The following KIF21A variants were observed in gnomAD, a reference collection of about 807,000 sequenced individuals.
KIF21A encodes the protein kinesin family member 21A.
KIF21A carries 114 observed loss-of-function variants against 202.9 expected under a neutral mutation model. The observed-to-expected ratio is 0.56, with a 90% confidence interval of 0.48 to 0.66. KIF21A has a LOEUF of 0.66. Among genes scored for constraint, KIF21A ranks in the 30% least tolerant of loss-of-function variants. The pLI, the probability that KIF21A is intolerant of heterozygous loss-of-function variation, is 0.00. For missense variants in KIF21A, 1,677 were observed against 1,994.9 expected (o/e 0.84, Z 3.04); for synonymous variants, 667 against 670.8 (o/e 0.99, Z 0.09).
chr12:39,315,974 T>C lies in KIF21A; in HGVS notation c.3909-4A>G, dbSNP rs898302858. On this transcript the variant is annotated splice_polypyrimidine_tract_variant and splice_region_variant and intron_variant, in intron 29 of 37. Coordinates refer to ENST00000361418, the MANE Select transcript of KIF21A (RefSeq NM_001173464.2). ...AGAGGAGTCACTTTCATCAGACCTA[T>C]AGTGAAAGAGTTAGAATTATGAGAG... is the stretch of plus-strand genomic sequence containing the variant. The C allele has an allele frequency of 8.8e-6, 14 of 1,595,412 alleles. No homozygotes were observed. The Admixed American group carries it at 1.2e-4, about 13-fold the overall frequency.
At chr12:39,434,649 C>G (rs973417662) in intron 1 of KIF21A, among the ~76,000 whole-genome samples, 1 of 152,166 alleles carries the variant, frequency 6.6e-6, no homozygotes, top group African/African-American at 2.4e-5. Context: ...CCTTCAATTA[C>G]TTTAATGCCT....
At chr12:39,360,972 C>T (rs957409078) in intron 7 of KIF21A, among the ~76,000 whole-genome samples, 1 of 152,136 alleles carries the variant, frequency 6.6e-6, no homozygotes, top group Non-Finnish European at 1.5e-5. Context: ...ACTAGGAATG[C>T]AATCCTAAAA....
At chr12:39,313,414 T>C (rs1944222328) in intron 31 of KIF21A, among the ~76,000 whole-genome samples, 1 of 151,930 alleles carries the variant, frequency 6.6e-6, no homozygotes, top group African/African-American at 2.4e-5. Context: ...GGTTAATGGA[T>C]ACCAATTTAA....
intron 17 of KIF21A, among the ~76,000 whole-genome samples, chr12:39,334,790 T>C (rs978921433): frequency 1.3e-5 from 2 of 152,178 alleles, no homozygotes; most frequent in African/African-American, 4.8e-5. Flanking sequence ...GCTTTATATG[T>C]GACTAGCCAG....
intron 10 of KIF21A, among the ~76,000 whole-genome samples, chr12:39,355,117 G>A (rs1948667341): frequency 6.6e-6 from 1 of 152,100 alleles, no homozygotes; most frequent in South Asian, 2.1e-4. Context: ...TGAGAATCTG[G>A]AACAAGGTAT....
chr12:39,301,730 C>A (rs777202346), intron 36 of KIF21A, 51 bp from the exon 37 acceptor site: 1 of 1,437,542 alleles, frequency 7.0e-7, no homozygotes, highest in African/African-American at 1.4e-5. Context: ...TCCAAACTGA[C>A]ATTTTCACAT....
At chr12:39,316,463 C>A (rs1032456464) in intron 29 of KIF21A, among the ~76,000 whole-genome samples, 3 of 152,108 alleles carry the variant, frequency 2.0e-5, no homozygotes, top group African/African-American at 7.2e-5. Context: ...AATTTAATAA[C>A]TTTTGGCTTT....
intron 10 of KIF21A, among the ~76,000 whole-genome samples, chr12:39,352,724 C>T (rs1177535394): frequency 2.6e-5 from 4 of 152,060 alleles, no homozygotes; most frequent in East Asian, 1.9e-4. Flanking sequence ...CTGAATATAG[C>T]GTGGGAAAAG....
At chr12:39,296,025 TAAAAAAAAAA>T (rs34017775) in intron 37 of KIF21A, among the ~76,000 whole-genome samples, 5 of 86,774 alleles carry the variant, frequency 5.8e-5, no homozygotes, top group African/African-American at 2.5e-4. Context: ...GTTTGTTTGT[TAAAAAAAAAA>T]AAAAAAAAAA....
chr12:39,295,193 C>T (rs1005329261), intron 37 of KIF21A, among the ~76,000 whole-genome samples: 1 of 152,134 alleles, frequency 6.6e-6, no homozygotes, highest in Admixed American at 6.5e-5. Context: ...TAAATATACA[C>T]AGTTATTGTT....
intron 1 of KIF21A, among the ~76,000 whole-genome samples, chr12:39,391,191 A>G (rs1246266645): frequency 1.1e-4 from 16 of 152,250 alleles, no homozygotes; most frequent in Non-Finnish European, 4.4e-5. Context: ...TTGGTTCCTG[A>G]GCTTAGATAG....
chr12:39,387,694 G>A (rs1951045842), intron 1 of KIF21A, among the ~76,000 whole-genome samples: 1 of 152,058 alleles, frequency 6.6e-6, no homozygotes, highest in Admixed American at 6.6e-5. Flanking sequence ...TTAGTAGATG[G>A]CAAAGAAATT....
At chr12:39,393,071 T>C (rs372805131) in intron 1 of KIF21A, among the ~76,000 whole-genome samples, 4 of 150,944 alleles carry the variant, frequency 2.6e-5, no homozygotes, top group African/African-American at 7.3e-5. Flanking sequence ...TCTAAGGAAA[T>C]TGCTGTGTAG....
chr12:39,322,537 G>A (rs1273500160), intron 27 of KIF21A, 131 bp downstream of exon 27: 5 of 690,044 alleles, frequency 7.2e-6, no homozygotes, highest in African/African-American at 3.6e-5. Context: ...ACAACACCTA[G>A]CAAATTATTT....
At chr12:39,385,382 A>T (rs1467367178) in intron 1 of KIF21A, among the ~76,000 whole-genome samples, 1 of 152,174 alleles carries the variant, frequency 6.6e-6, no homozygotes, top group Non-Finnish European at 1.5e-5. Flanking sequence ...TATGAACAAA[A>T]TACATCACAT....
chr12:39,441,220 T>C (rs907904280), intron 1 of KIF21A, among the ~76,000 whole-genome samples: 3 of 152,220 alleles, frequency 2.0e-5, no homozygotes, highest in Admixed American at 6.5e-5. Context: ...AAATACAAGT[T>C]ATTTATCAGT....
intron 31 of KIF21A, 57 bp from the exon 32 acceptor site, chr12:39,311,610 T>A (rs565800502): frequency 5.0e-6 from 8 of 1,596,048 alleles, no homozygotes; most frequent in African/African-American, 1.3e-5. Flanking sequence ...TGAGACTATA[T>A]CATGAGACTA....
At chr12:39,422,426 G>A (rs1954376562) in intron 1 of KIF21A, among the ~76,000 whole-genome samples, 1 of 152,132 alleles carries the variant, frequency 6.6e-6, no homozygotes, top group Non-Finnish European at 1.5e-5. Context: ...AATATCAGAT[G>A]ATAAGACTAC....
At chr12:39,393,267 C>A (rs1951503715) in intron 1 of KIF21A, among the ~76,000 whole-genome samples, 1 of 152,076 alleles carries the variant, frequency 6.6e-6, no homozygotes, top group Admixed American at 6.5e-5. Flanking sequence ...CCCACCATTT[C>A]TAGACACAAA....
Sources: gnomAD v4.1 joint callset for allele counts (sites outside exome capture counted in the v4.1 genomes callset) on GRCh38, gnomAD v4.1.1 for gene constraint, MANE v1.5 for transcripts, NCBI Gene and HGNC (gene_info 2026-07-23, HGNC 2026-07-21) for gene names.